Variants in ACSBG1 observed in about 807,000 individuals in gnomAD.
ACSBG1 encodes acyl-CoA synthetase bubblegum family member 1, also known as long-chain-fatty-acid--CoA ligase ACSBG1.
ACSBG1 carries 39 observed loss-of-function variants against 80.2 expected under a neutral mutation model. The ratio of observed to expected loss-of-function variants is 0.49; its 90% CI spans 0.38 to 0.64. ACSBG1 has a LOEUF of 0.64. ACSBG1 is among the 30% of genes least tolerant of loss of function. The pLI, the probability that ACSBG1 is intolerant of heterozygous loss-of-function variation, is 0.00. For missense variants in ACSBG1, 828 were observed against 966.4 expected (o/e 0.86, Z 1.90); for synonymous variants, 392 against 379.5 (o/e 1.03, Z -0.38).
At chr15:78,174,988 GA>G (rs1327587838) in intron 11 of ACSBG1, among the ~76,000 whole-genome samples, 4 of 152,238 alleles carry the variant, frequency 2.6e-5, no homozygotes, top group Non-Finnish European at 4.4e-5. Context: ...TGCAGATGAG[GA>G]AACTGAGGCA....
In ACSBG1 at chr15:78,215,603, C is replaced by T. The variant is rs1448140195; in HGVS notation, c.132-7501G>A. Among the ~76,000 whole-genome samples, 14 of 151,368 alleles carry T rather than the reference C, an allele frequency of 9.2e-5. No individual in the cohort carries two copies. The Admixed American group carries it at 9.2e-4, about 10-fold the overall frequency. ...CCTGGGAGGCAGAGGTTCCAGTGAG[C>T]CGAGATTGTGCCATTGCACTCCAGC... On this transcript the variant is annotated intron_variant, in intron 1 of 13. Transcript: ENST00000258873.
At chr15:78,206,661 G>A (rs2075218099) in intron 2 of ACSBG1, among the ~76,000 whole-genome samples, 1 of 152,074 alleles carries the variant, frequency 6.6e-6, no homozygotes, top group Non-Finnish European at 1.5e-5. Flanking sequence ...CTGCTCAGAT[G>A]CCTCTACTCC....
chr15:78,182,044 G>A lies in ACSBG1; in HGVS notation c.996C>T (p.Ala332=), dbSNP rs751283584. ...CTGTCCACAGGTCGTAGATCTGGGC[G>A]GCAATATGGCTGAGGGGCAGGTAGC... ...VVSYLPLSHI[A]AQIYDLWTGI... Residue 332 remains alanine (A), a synonymous_variant, in exon 8 of 14, where the codon GCC becomes GCT. Coordinates refer to ENST00000258873, the MANE Select transcript of ACSBG1 (RefSeq NM_015162.5). The A allele has an allele frequency of 1.1e-5, 18 of 1,614,000 alleles. No individual in the cohort carries two copies. The highest frequency in any genetic ancestry group is 1.4e-5 in the Non-Finnish European group (16 of 1,180,028).
intron 1 of ACSBG1, among the ~76,000 whole-genome samples, chr15:78,228,912 T>C (rs951290703): frequency 1.2e-4 from 19 of 152,342 alleles, no homozygotes; most frequent in African/African-American, 4.6e-4. Context: ...CAGGAGAGCC[T>C]GCACCAACCC....
At position 78,173,833 on chromosome 15, in the gene ACSBG1, G is replaced by A; in HGVS notation, c.1849C>T (p.Leu617=). ...GTCTGGTCAGAGGTGTCTGGGTCCA[G>A]AGTGCACTGAAAAGCCAGAGATCAG... ...LSMLLTLKCT[L]DPDTSDQTDN... Residue 617 remains leucine, a synonymous_variant, in exon 13 of 14, where the codon CTG becomes TTG. Transcript: ENST00000258873. The A allele has an allele frequency of 6.2e-7, 1 of 1,613,768 alleles. No individual in the cohort carries two copies. The highest frequency in any genetic ancestry group is 8.5e-7 in the Non-Finnish European group (1 of 1,179,906).
intron 1 of ACSBG1, among the ~76,000 whole-genome samples, chr15:78,223,661 C>A (rs1409991696): frequency 6.6e-6 from 1 of 152,180 alleles, no homozygotes; most frequent in Non-Finnish European, 1.5e-5. Flanking sequence ...TTGAAAATGT[C>A]CCTCACAAGT....
intron 2 of ACSBG1, among the ~76,000 whole-genome samples, chr15:78,204,904 T>A (rs1422275493): frequency 6.6e-6 from 1 of 152,086 alleles, no homozygotes; most frequent in East Asian, 1.9e-4. Context: ...GCCCAGCAAA[T>A]CCCTTGACCC....
chr15:78,203,796 G>T (rs961386146), intron 2 of ACSBG1, among the ~76,000 whole-genome samples: 4 of 152,252 alleles, frequency 2.6e-5, no homozygotes, highest in Non-Finnish European at 5.9e-5. Flanking sequence ...AATAACTGGT[G>T]TTGAGGAAGA....
rs1167446451 is a variant in ACSBG1, at chr15:78,192,748, T to C, written c.663+758A>G. Reference sequence around the variant, plus strand: ...CATAGTCTTGGAAGGTTGGAGACCATTTGTCCCACCCTCGGGCACAGATGG... The same window carrying C: ...CATAGTCTTGGAAGGTTGGAGACCACTTGTCCCACCCTCGGGCACAGATGG... On this transcript the variant is annotated intron_variant, in intron 5 of 13. Transcript: ENST00000258873. 2.0e-5 allele frequency among the ~76,000 whole-genome samples: 3 copies of C among 152,160 alleles called. No homozygotes were observed. In the East Asian group the frequency reaches 5.8e-4, roughly 29 times the overall value.
chr15:78,205,102 C>T (rs1020267729), intron 2 of ACSBG1, among the ~76,000 whole-genome samples: 3 of 152,048 alleles, frequency 2.0e-5, no homozygotes, highest in Admixed American at 6.6e-5. Flanking sequence ...TCTGTGGTCT[C>T]GATGCTGCCC....
At chr15:78,182,964 G>C in intron 5 of ACSBG1, 179 bp from the exon 6 acceptor site, 1 of 661,386 alleles carries the variant, frequency 1.5e-6, no homozygotes, top group East Asian at 2.7e-5. Context: ...GAGAACTTGG[G>C]AGCAGTAAAG....
intron 2 of ACSBG1, among the ~76,000 whole-genome samples, chr15:78,204,988 G>C (rs2141363468): frequency 6.6e-6 from 1 of 152,212 alleles, no homozygotes; most frequent in East Asian, 1.9e-4. Context: ...CTCCTTAGTG[G>C]GTGTGGGAGT....
At chr15:78,211,661 G>T (rs1304268058) in intron 1 of ACSBG1, among the ~76,000 whole-genome samples, 1 of 152,210 alleles carries the variant, frequency 6.6e-6, no homozygotes, top group Non-Finnish European at 1.5e-5. Flanking sequence ...TGTAAGATGT[G>T]TGGGGGGCAG....
intron 5 of ACSBG1, among the ~76,000 whole-genome samples, chr15:78,188,939 T>C (rs2075031855): frequency 6.8e-6 from 1 of 147,350 alleles, no homozygotes; most frequent in African/African-American, 2.5e-5. Flanking sequence ...AGGGCTAATA[T>C]CCAGAATCTA....
At chr15:78,186,972 TA>T (rs1232178724) in intron 5 of ACSBG1, among the ~76,000 whole-genome samples, 22 of 151,902 alleles carry the variant, frequency 1.4e-4, no homozygotes, top group South Asian at 4.2e-4. Context: ...ATAGACACAA[TA>T]AAAAATGATA....
chr15:78,195,976 T>G (rs955070393), intron 2 of ACSBG1, among the ~76,000 whole-genome samples: 3 of 152,156 alleles, frequency 2.0e-5, no homozygotes, highest in Non-Finnish European at 4.4e-5. Context: ...GGTAAAGATC[T>G]GGGGGCTGGG....
chr15:78,173,344 C>CAAAAAAAAAAAAAAAAAAAAAA, intron 13 of ACSBG1, among the ~76,000 whole-genome samples: 1 of 75,226 alleles, frequency 1.3e-5, no homozygotes, highest in Non-Finnish European at 2.3e-5. Context: ...GACTCCATCT[C>CAAAAAAAAAAAAAAAAAAAAAA]AAAAAAAAAA....
intron 1 of ACSBG1, among the ~76,000 whole-genome samples, chr15:78,208,935 A>G (rs1409549759): frequency 6.6e-6 from 1 of 152,250 alleles, no homozygotes; most frequent in Non-Finnish European, 1.5e-5. Flanking sequence ...TACACACTTT[A>G]GGACTGCAAC....
intron 1 of ACSBG1, among the ~76,000 whole-genome samples, chr15:78,232,848 G>GTGTATT (rs978583212): frequency 1.1e-4 from 16 of 152,010 alleles, no homozygotes; most frequent in African/African-American, 3.9e-4. Flanking sequence ...CCACCTGGCT[G>GTGTATT]TTTGTATTTT....
Sources: allele counts gnomAD v4.1 joint callset (sites outside exome capture counted in the v4.1 genomes callset), GRCh38; gene constraint gnomAD v4.1.1; transcripts MANE v1.5; gene names NCBI Gene and HGNC (gene_info 2026-07-23, HGNC 2026-07-21).